Variants in CRACD observed in about 807,000 individuals in gnomAD.
The protein encoded by CRACD is capping protein inhibiting regulator of actin dynamics, also known as capping protein-inhibiting regulator of actin dynamics.
Under a neutral mutation model 106.8 loss-of-function variants are expected in CRACD, and 56 were observed. The observed-to-expected ratio is 0.52, with a 90% CI of 0.42 to 0.66. The LOEUF is 0.66. CRACD is among the 30% of genes least tolerant of loss of function. The pLI is 0.00. For synonymous variants in CRACD, 754 were observed against 670.8 expected (o/e 1.12, Z -1.92); for missense variants, 1,730 against 1,623.2 (o/e 1.07, Z -1.13).
At chr4:56,074,918 G>A (rs948055581) in intron 1 of CRACD, among the ~76,000 whole-genome samples, 1 of 152,076 alleles carries the variant, frequency 6.6e-6, no homozygotes, top group Non-Finnish European at 1.5e-5. Context: ...TTTATCGAAG[G>A]CCTTTTCTGC....
At chr4:56,067,229 T>C (rs555413040) in intron 1 of CRACD, among the ~76,000 whole-genome samples, 1 of 152,232 alleles carries the variant, frequency 6.6e-6, no homozygotes, top group African/African-American at 2.4e-5. Context: ...TAGATGATTC[T>C]TCTGCACAGA....
chr4:56,254,121 G>A (rs959005154), intron 2 of CRACD, among the ~76,000 whole-genome samples: 2 of 152,150 alleles, frequency 1.3e-5, no homozygotes, highest in Admixed American at 6.5e-5. Context: ...CCATGCCAGC[G>A]GGAATCTATT....
chr4:56,219,901 T>C (rs1456106352), intron 2 of CRACD, among the ~76,000 whole-genome samples: 4 of 152,208 alleles, frequency 2.6e-5, no homozygotes, highest in Non-Finnish European at 5.9e-5. Context: ...ATATTTAATA[T>C]AATCTATGAA....
rs995081907 is a variant in CRACD, at chr4:56,132,509, A to AT, written c.-335-46768dup. Among the ~76,000 whole-genome samples, 11 of 151,346 alleles carry AT rather than the reference A, an allele frequency of 7.3e-5. No homozygotes were observed. In the South Asian group the frequency reaches 8.4e-4, roughly 12 times the overall value. The stretch of plus-strand genomic sequence containing the variant: ...AGGGGTGCACCACCACATTTGGTTA[A>AT]TTTTTTTGTATTTTTTGTAGGGTTT... On this transcript the variant is annotated intron_variant, in intron 1 of 10. Coordinates refer to ENST00000682029, the MANE Select transcript of CRACD (RefSeq NM_001393381.1).
intron 2 of CRACD, among the ~76,000 whole-genome samples, chr4:56,247,666 CA>C (rs1740760444): frequency 6.6e-6 from 1 of 152,016 alleles, no homozygotes; most frequent in African/African-American, 2.4e-5. Flanking sequence ...GCCAGCAGGG[CA>C]AAACCCCGTC....
At chr4:56,071,963 T>C (rs1288768680) in intron 1 of CRACD, among the ~76,000 whole-genome samples, 1 of 151,290 alleles carries the variant, frequency 6.6e-6, no homozygotes, top group Non-Finnish European at 1.5e-5. Context: ...CCGTCTCTAC[T>C]AAAAAATACA....
At chr4:56,215,021 A>G (rs1738609930) in intron 2 of CRACD, among the ~76,000 whole-genome samples, 1 of 138,488 alleles carries the variant, frequency 7.2e-6, no homozygotes, top group Non-Finnish European at 1.6e-5. Flanking sequence ...ACAAACAAAC[A>G]AAAAAAGAGA....
chr4:56,061,708 C>T (rs1732285013), intron 1 of CRACD, among the ~76,000 whole-genome samples: 1 of 152,000 alleles, frequency 6.6e-6, no homozygotes, highest in Non-Finnish European at 1.5e-5. Context: ...GTGATGAGTG[C>T]TATAAAGCAA....
intron 1 of CRACD, among the ~76,000 whole-genome samples, chr4:56,161,723 G>A (rs536573253): frequency 6.7e-6 from 1 of 149,840 alleles, no homozygotes; most frequent in African/African-American, 2.5e-5. Flanking sequence ...GCCTCCCAAA[G>A]TGCTGGGATT....
intron 2 of CRACD, among the ~76,000 whole-genome samples, chr4:56,271,750 T>G (rs1742360058): frequency 6.6e-6 from 1 of 152,086 alleles, no homozygotes; most frequent in African/African-American, 2.4e-5. Context: ...ATTTTATTTA[T>G]TTATTTATTT....
intron 1 of CRACD, among the ~76,000 whole-genome samples, chr4:56,172,744 C>G (rs915385534): frequency 1.3e-5 from 2 of 152,184 alleles, no homozygotes; most frequent in African/African-American, 4.8e-5. Context: ...TTGCCTCAGC[C>G]TCCTGAGCAG....
At chr4:56,128,685 T>C (rs1734731623) in intron 1 of CRACD, among the ~76,000 whole-genome samples, 1 of 152,156 alleles carries the variant, frequency 6.6e-6, no homozygotes, top group Admixed American at 6.5e-5. Flanking sequence ...GAGGATGCTT[T>C]GAGCCCAGGA....
intron 4 of CRACD, among the ~76,000 whole-genome samples, chr4:56,303,644 C>A (rs1744498601): frequency 6.6e-6 from 1 of 152,242 alleles, no homozygotes; most frequent in Non-Finnish European, 1.5e-5. Context: ...AATGTCCTAA[C>A]AACCAGTCTC....
chr4:56,105,532 T>A (rs1284600528), intron 1 of CRACD, among the ~76,000 whole-genome samples: 1 of 152,190 alleles, frequency 6.6e-6, no homozygotes, highest in Non-Finnish European at 1.5e-5. Context: ...GGACGTATCT[T>A]ATGGTTGTAT....
At chr4:56,286,377 C>T (rs574555060) in intron 3 of CRACD, among the ~76,000 whole-genome samples, 1 of 143,262 alleles carries the variant, frequency 7.0e-6, no homozygotes, top group Admixed American at 7.2e-5. Context: ...TGGGCAACAG[C>T]GTGAGATTCT....
intron 2 of CRACD, among the ~76,000 whole-genome samples, chr4:56,214,941 A>C (rs1275691943): frequency 6.6e-6 from 1 of 151,708 alleles, no homozygotes; most frequent in Non-Finnish European, 1.5e-5. Flanking sequence ...TGGAGGTTGG[A>C]GTGAGCCGAG....
At chr4:56,225,594 T>A (rs1739261388) in intron 2 of CRACD, among the ~76,000 whole-genome samples, 1 of 152,192 alleles carries the variant, frequency 6.6e-6, no homozygotes, top group Non-Finnish European at 1.5e-5. Flanking sequence ...CCTTATTCTT[T>A]GTATAATATT....
In CRACD at chr4:56,234,609, GAAAATAGTGAAAC is replaced by G. The variant is rs1201923714; in HGVS notation, c.-188-37708_-188-37696del. ...TAAAAATATTATTTTTGTAAAAAGA[GAAAATAGTGAAAC>G]AAAGCTTAGAGAAGAATGATTAAAG... On this transcript the variant is annotated intron_variant, in intron 2 of 10. Coordinates refer to ENST00000682029, the MANE Select transcript of CRACD (RefSeq NM_001393381.1). Among the ~76,000 whole-genome samples the G allele has an allele frequency of 2.6e-5, 4 of 152,030 alleles. No individual in the cohort carries two copies. The East Asian group carries it at 7.7e-4, about 29-fold the overall frequency.
At chr4:56,169,748 T>G (rs1736287928) in intron 1 of CRACD, among the ~76,000 whole-genome samples, 1 of 152,164 alleles carries the variant, frequency 6.6e-6, no homozygotes, top group African/African-American at 2.4e-5. Context: ...TTCACCTGCC[T>G]TGGCGTCCCA....
Sources: gnomAD v4.1 joint callset for allele counts (sites outside exome capture counted in the v4.1 genomes callset) on GRCh38, gnomAD v4.1.1 for gene constraint, MANE v1.5 for transcripts, NCBI Gene and HGNC (gene_info 2026-07-23, HGNC 2026-07-21) for gene names.